Variants in WWOX observed in about 807,000 individuals in gnomAD.
WWOX encodes WW domain containing oxidoreductase, also known as WW domain-containing oxidoreductase.
WWOX carries 69 observed loss-of-function variants against 46.2 expected under a neutral mutation model. The ratio of observed to expected loss-of-function variants is 1.49; its 90% CI spans 1.23 to 1.82. WWOX has a LOEUF of 1.82. WWOX is among the 40% of genes most tolerant of loss of function. The pLI, the probability that WWOX is intolerant of heterozygous loss-of-function variation, is 0.00. For missense variants in WWOX, 919 were observed against 542.6 expected, an observed-to-expected ratio of 1.69 and a Z score of -6.89; for synonymous variants, 359 against 202.6, an observed-to-expected ratio of 1.77 and a Z score of -6.56.
chr16:78,954,098 C>G (rs1291309065), intron 8 of WWOX, among the ~76,000 whole-genome samples: 5 of 152,140 alleles, frequency 3.3e-5, no homozygotes, highest in African/African-American at 1.2e-4. Flanking sequence ...TCTTTTCTTT[C>G]TTTTGCTTTT....
intron 8 of WWOX, among the ~76,000 whole-genome samples, chr16:78,624,659 A>C (rs1403636172): frequency 6.6e-6 from 1 of 152,196 alleles, no homozygotes; most frequent in Non-Finnish European, 1.5e-5. Flanking sequence ...AAGGGGGAAA[A>C]AACCCTCACT....
intron 8 of WWOX, among the ~76,000 whole-genome samples, chr16:78,489,749 C>A (rs1178279431): frequency 6.6e-6 from 1 of 152,026 alleles, no homozygotes; most frequent in African/African-American, 2.4e-5. Flanking sequence ...TGGGATGGCT[C>A]AAGGGGAGTT....
At chr16:78,930,279 C>CTT (rs747275444) in intron 8 of WWOX, among the ~76,000 whole-genome samples, 2 of 107,254 alleles carry the variant, frequency 1.9e-5, no homozygotes, top group African/African-American at 3.9e-5. Flanking sequence ...TTCTCTCTTT[C>CTT]TTTTTTTATT....
intron 8 of WWOX, among the ~76,000 whole-genome samples, chr16:78,857,343 A>G (rs1034212430): frequency 1.3e-5 from 2 of 152,240 alleles, no homozygotes; most frequent in African/African-American, 4.8e-5. Context: ...GGCAAAAGTT[A>G]AGAAGGCAGA....
At chr16:78,314,715 T>TGG (rs1567494608) in intron 5 of WWOX, among the ~76,000 whole-genome samples, 2 of 142,900 alleles carry the variant, frequency 1.4e-5, no homozygotes, top group African/African-American at 5.3e-5. Context: ...TTTTTTTTTT[T>TGG]TTTTTTCTGT....
chr16:78,917,733 C>G (rs568654312), intron 8 of WWOX, among the ~76,000 whole-genome samples: 1 of 152,054 alleles, frequency 6.6e-6, no homozygotes, highest in East Asian at 1.9e-4. Context: ...GGTAGTGCCT[C>G]CAGAACCAAA....
At chr16:79,073,243 G>T (rs2048586080) in intron 8 of WWOX, among the ~76,000 whole-genome samples, 1 of 151,342 alleles carries the variant, frequency 6.6e-6, no homozygotes, top group Non-Finnish European at 1.5e-5. Flanking sequence ...GAAATGGCAC[G>T]ATCGCAGCTC....
chr16:78,759,640 C>G (rs2049741974), intron 8 of WWOX, among the ~76,000 whole-genome samples: 1 of 152,140 alleles, frequency 6.6e-6, no homozygotes, highest in Non-Finnish European at 1.5e-5. Context: ...AACTGCATGC[C>G]TACAATCATC....
chr16:79,210,175 C>A (rs2051674724), intron 8 of WWOX, among the ~76,000 whole-genome samples: 1 of 152,198 alleles, frequency 6.6e-6, no homozygotes, highest in South Asian at 2.1e-4. Flanking sequence ...TGCATTTGAC[C>A]ATTCAGTTTT....
chr16:78,310,985 C>T (rs1032524517), intron 5 of WWOX, among the ~76,000 whole-genome samples: 1 of 152,206 alleles, frequency 6.6e-6, no homozygotes, highest in Admixed American at 6.5e-5. Flanking sequence ...CAAGAGCCAG[C>T]TGCCTGCGTG....
intron 8 of WWOX, among the ~76,000 whole-genome samples, chr16:78,548,599 G>C (rs1250016960): frequency 2.6e-5 from 4 of 152,110 alleles, no homozygotes; most frequent in Admixed American, 6.5e-5. Context: ...CATCTCTCAA[G>C]GAACTGATGG....
chr16:78,365,832 C>G (rs527518479), intron 5 of WWOX, among the ~76,000 whole-genome samples: 4 of 152,292 alleles, frequency 2.6e-5, no homozygotes, highest in Admixed American at 2.0e-4. Flanking sequence ...TTGCAACTCT[C>G]TTTTCTCCAG....
intron 8 of WWOX, among the ~76,000 whole-genome samples, chr16:78,783,915 T>C (rs989507835): frequency 6.7e-6 from 1 of 150,070 alleles, no homozygotes; most frequent in Non-Finnish European, 1.5e-5. Context: ...ATGGTGATGA[T>C]GATGTCGATA....
At chr16:78,825,716 C>T in intron 8 of WWOX, 1 of 563,416 alleles carries the variant, frequency 1.8e-6, no homozygotes, top group South Asian at 1.7e-5. Flanking sequence ...GACAGAGGGT[C>T]AAATCCATGA....
intron 5 of WWOX, among the ~76,000 whole-genome samples, chr16:78,234,216 A>G (rs1849326068): frequency 6.6e-6 from 1 of 151,976 alleles, no homozygotes; most frequent in South Asian, 2.1e-4. Context: ...TACAGCCTTT[A>G]TAAATTTGAG....
intron 8 of WWOX, among the ~76,000 whole-genome samples, chr16:78,893,945 C>T (rs906029535): frequency 2.6e-5 from 4 of 151,904 alleles, no homozygotes; most frequent in Non-Finnish European, 5.9e-5. Flanking sequence ...ACCAGCTGAG[C>T]AGATATTGTG....
chr16:79,134,844 C>T (rs1032222572), intron 8 of WWOX, among the ~76,000 whole-genome samples: 1 of 152,116 alleles, frequency 6.6e-6, no homozygotes, highest in East Asian at 1.9e-4. Context: ...TGGGTCCCCA[C>T]CAGGGGTGGC....
intron 8 of WWOX, among the ~76,000 whole-genome samples, chr16:78,630,113 C>T (rs1353839258): frequency 6.6e-6 from 1 of 152,100 alleles, no homozygotes; most frequent in Non-Finnish European, 1.5e-5. Context: ...GTCACTGGCC[C>T]AGAGAGAGTC....
At chr16:79,196,194 C>A (rs2051236599) in intron 8 of WWOX, among the ~76,000 whole-genome samples, 1 of 152,182 alleles carries the variant, frequency 6.6e-6, no homozygotes, top group Admixed American at 6.5e-5. Flanking sequence ...CAGTGAGAGA[C>A]CAAGGTGAGA....
Sources: gnomAD v4.1 joint callset for allele counts (sites outside exome capture counted in the v4.1 genomes callset) on GRCh38, gnomAD v4.1.1 for gene constraint, MANE v1.5 for transcripts, NCBI Gene and HGNC (gene_info 2026-07-23, HGNC 2026-07-21) for gene names.